PDE10A: variants seen among roughly 807,000 people sequenced by gnomAD.
The protein encoded by PDE10A is phosphodiesterase 10A, also known as cAMP and cAMP-inhibited cGMP 3',5'-cyclic phosphodiesterase 10A.
A neutral mutation model predicts 97.7 loss-of-function variants in PDE10A; 39 were observed. That is an observed-to-expected ratio of 0.40 (90% confidence interval 0.31 to 0.52). The LOEUF is 0.52. Among genes scored for constraint, PDE10A ranks in the 20% least tolerant of loss-of-function variants. The pLI is 0.56. For synonymous variants in PDE10A, 371 were observed against 376.8 expected (o/e 0.98, Z 0.18); for missense variants, 731 against 1,047.8 (o/e 0.70, Z 4.17).
chr6:165,511,664 C>A (rs1483695881), intron 2 of PDE10A, among the ~76,000 whole-genome samples: 1 of 151,928 alleles, frequency 6.6e-6, no homozygotes, highest in Non-Finnish European at 1.5e-5. Context: ...CTCTTTAGAT[C>A]TAGTAATATT....
At chr6:165,722,291 C>T (rs958723272) in intron 1 of PDE10A, among the ~76,000 whole-genome samples, 5 of 152,164 alleles carry the variant, frequency 3.3e-5, no homozygotes, top group Admixed American at 1.3e-4. Flanking sequence ...AGCACTGCTC[C>T]GTGTGTTTAT....
chr6:165,529,872 G>T (rs1209208173), intron 2 of PDE10A, among the ~76,000 whole-genome samples: 1 of 152,098 alleles, frequency 6.6e-6, no homozygotes, highest in Non-Finnish European at 1.5e-5. Flanking sequence ...TTGACAAGGG[G>T]TGGACTTGTG....
At position 165,759,999 on chromosome 6, in the gene PDE10A, A is replaced by T. The variant is rs548431707; in HGVS notation, c.-614-216431T>A. ...TCAGTTGCATGAATTGGTTAAAATC[A>T]ATGTACTGAACCAGTGTTAGTATCG... On this transcript the variant is annotated intron_variant, in intron 1 of 19. Coordinates refer to the PDE10A transcript ENST00000366882. Among the ~76,000 whole-genome samples the T allele has an allele frequency of 2.0e-5, 3 of 152,346 alleles. No individual in the cohort carries two copies. In the South Asian group the frequency reaches 6.2e-4, roughly 32 times the overall value.
At chr6:165,431,577 T>A in intron 7 of PDE10A, 105 bp from the exon 8 acceptor site, 1 of 325,272 alleles carries the variant, frequency 3.1e-6, no homozygotes, top group Non-Finnish European at 5.4e-6. Context: ...ATAACATATA[T>A]ATACTATATA....
In PDE10A at chr6:165,332,768, G is replaced by A. The variant is rs1781410369; in HGVS notation, c.*257C>T. 2.2e-6 allele frequency: 1 copy of A among 462,450 alleles called. No individual in the cohort carries two copies. Among genetic ancestry groups the A allele is most frequent in the African/African-American group, 2.0e-5 (1 of 49,836 alleles). 28.6% of individuals were successfully genotyped at this position (462,450 alleles called of 1,614,324 possible). On this transcript the variant is annotated 3_prime_UTR_variant, in exon 22 of 22. Transcript: ENST00000539869. ...CCTATTAGAAAAGGCTGGTTTGCAA[G>A]TCAAATGGAGTCACTTGGCCAGCTG... is the stretch of plus-strand genomic sequence containing the variant.
chr6:165,490,494 A>G (rs894829751), intron 2 of PDE10A, among the ~76,000 whole-genome samples: 3 of 152,120 alleles, frequency 2.0e-5, no homozygotes, highest in Admixed American at 1.3e-4. Context: ...CCAAAATAGA[A>G]CCTCTCTAAA....
At chr6:165,954,967 G>A (rs144080240) in intron 1 of PDE10A, among the ~76,000 whole-genome samples, 71 of 152,196 alleles carry the variant, frequency 4.7e-4, no homozygotes, top group African/African-American at 1.4e-3. Flanking sequence ...CAAACTCAAC[G>A]TAGCTCCAGC....
chr6:165,592,515 A>T (rs1427226899), intron 1 of PDE10A, among the ~76,000 whole-genome samples: 1 of 152,238 alleles, frequency 6.6e-6, no homozygotes, highest in African/African-American at 2.4e-5. Flanking sequence ...TTAAGAGGCA[A>T]CCTACAGAAT....
intron 1 of PDE10A, among the ~76,000 whole-genome samples, chr6:165,835,867 A>G (rs976802766): frequency 6.6e-6 from 1 of 152,092 alleles, no homozygotes; most frequent in African/African-American, 2.4e-5. Context: ...GCCACGATAA[A>G]TTATCATTTT....
intron 18 of PDE10A, among the ~76,000 whole-genome samples, chr6:165,372,015 C>A (rs982916659): frequency 1.3e-5 from 2 of 150,178 alleles, no homozygotes; most frequent in African/African-American, 4.9e-5. Flanking sequence ...AGGCCTTTGA[C>A]AAAATTCAAC....
At chr6:165,953,951 G>A (rs2128495908) in intron 1 of PDE10A, among the ~76,000 whole-genome samples, 1 of 152,272 alleles carries the variant, frequency 6.6e-6, no homozygotes, top group South Asian at 2.1e-4. Flanking sequence ...GGCAACCACT[G>A]ATCTTTTTAA....
intron 1 of PDE10A, among the ~76,000 whole-genome samples, chr6:165,859,004 T>C (rs1435139659): frequency 6.6e-6 from 1 of 152,232 alleles, no homozygotes; most frequent in Non-Finnish European, 1.5e-5. Context: ...GTAGTTCTGT[T>C]CTGTAAACTC....
chr6:165,474,997 C>A (rs1369505745), intron 3 of PDE10A, among the ~76,000 whole-genome samples: 1 of 152,122 alleles, frequency 6.6e-6, no homozygotes, highest in African/African-American at 2.4e-5. Context: ...TACACATGCA[C>A]CCGCATCCCT....
At chr6:165,931,331 C>A (rs1015175457) in intron 1 of PDE10A, among the ~76,000 whole-genome samples, 1 of 152,200 alleles carries the variant, frequency 6.6e-6, no homozygotes, top group East Asian at 1.9e-4. Context: ...CCACATCTGT[C>A]TACAATAGTA....
At chr6:165,421,437 C>T (rs1316049596) in intron 10 of PDE10A, among the ~76,000 whole-genome samples, 2 of 150,968 alleles carry the variant, frequency 1.3e-5, no homozygotes, top group Non-Finnish European at 3.0e-5. Context: ...AGCAAGACCC[C>T]GTCTCAAAAA....
At chr6:165,363,754 A>C (rs1783580929) in intron 18 of PDE10A, among the ~76,000 whole-genome samples, 1 of 152,188 alleles carries the variant, frequency 6.6e-6, no homozygotes, top group Non-Finnish European at 1.5e-5. Flanking sequence ...GTGAAAATAA[A>C]ATTAACAAAA....
chr6:165,570,173 G>A (rs1333988128), intron 1 of PDE10A, among the ~76,000 whole-genome samples: 1 of 152,114 alleles, frequency 6.6e-6, no homozygotes, highest in African/African-American at 2.4e-5. Flanking sequence ...CCTAATGGCA[G>A]CCCTAGCAAA....
chr6:165,616,406 G>A (rs1787728615), intron 1 of PDE10A, among the ~76,000 whole-genome samples: 2 of 151,970 alleles, frequency 1.3e-5, no homozygotes, highest in Non-Finnish European at 2.9e-5. Flanking sequence ...CAGGCAGTAG[G>A]AAAACACTTT....
At chr6:165,858,132 AATTT>A (rs1780801334) in intron 1 of PDE10A, among the ~76,000 whole-genome samples, 1 of 152,196 alleles carries the variant, frequency 6.6e-6, no homozygotes, top group Admixed American at 6.5e-5. Flanking sequence ...AGGTGCTATT[AATTT>A]TAAATAAATT....
Sources: gnomAD v4.1 joint callset for allele counts (sites outside exome capture counted in the v4.1 genomes callset) on GRCh38, gnomAD v4.1.1 for gene constraint, MANE v1.5 for transcripts, NCBI Gene and HGNC (gene_info 2026-07-23, HGNC 2026-07-21) for gene names.